The following GSG1L variants were observed in gnomAD, a reference collection of about 807,000 sequenced individuals.
GSG1L encodes GSG1 like.
In GSG1L, 24 loss-of-function variants were observed where a neutral mutation model predicts 42.1. That is an observed-to-expected ratio of 0.57 (90% CI 0.41 to 0.80). GSG1L has a LOEUF of 0.80. Among genes scored for constraint, GSG1L ranks in the 30% least tolerant of loss-of-function variants. The probability of loss-of-function intolerance (pLI) is 0.00; values close to 1 mark genes in which losing one functional copy is unlikely to be tolerated. For synonymous variants in GSG1L, 215 were observed against 203.5 expected (o/e 1.06, Z -0.48); for missense variants, 445 against 472.2 (o/e 0.94, Z 0.53).
intron 2 of GSG1L, among the ~76,000 whole-genome samples, chr16:27,924,591 T>A (rs1226736645): frequency 6.6e-6 from 1 of 152,176 alleles, no homozygotes; most frequent in African/African-American, 2.4e-5. Context: ...CATGGAGACC[T>A]GAATTGACTT....
chr16:27,807,015 C>A (rs1212849793), intron 6 of GSG1L, among the ~76,000 whole-genome samples: 1 of 152,212 alleles, frequency 6.6e-6, no homozygotes, highest in Non-Finnish European at 1.5e-5. Context: ...GCTTTCTGAT[C>A]CTGACATTTG....
intron 5 of GSG1L, among the ~76,000 whole-genome samples, chr16:27,821,355 G>C (rs2083148823): frequency 6.6e-6 from 1 of 151,980 alleles, no homozygotes; most frequent in Admixed American, 6.6e-5. Flanking sequence ...GCATGATGCT[G>C]AGGTTGGGCT....
At chr16:27,875,972 CCCACCCCCT>C (rs2083882356) in intron 3 of GSG1L, among the ~76,000 whole-genome samples, 2 of 152,148 alleles carry the variant, frequency 1.3e-5, no homozygotes. Context: ...GTGCCTGAAG[CCCACCCCCT>C]CCACTTTTCA....
chr16:28,047,388 A>G (rs1264720990), intron 1 of GSG1L, among the ~76,000 whole-genome samples: 1 of 152,180 alleles, frequency 6.6e-6, no homozygotes, highest in Non-Finnish European at 1.5e-5. Context: ...CCTAATCTAT[A>G]TAGTAAAAGA....
At chr16:27,944,156 T>C (rs985561240) in intron 2 of GSG1L, among the ~76,000 whole-genome samples, 2 of 152,172 alleles carry the variant, frequency 1.3e-5, no homozygotes, top group Non-Finnish European at 2.9e-5. Context: ...TTAGCTGTAA[T>C]AAAGTTTTTG....
At chr16:27,922,602 C>T (rs2084538246) in intron 2 of GSG1L, among the ~76,000 whole-genome samples, 1 of 152,182 alleles carries the variant, frequency 6.6e-6, no homozygotes, top group Non-Finnish European at 1.5e-5. Flanking sequence ...ATTCTTTCTC[C>T]CATGACCCAA....
intron 2 of GSG1L, among the ~76,000 whole-genome samples, chr16:27,897,680 C>A (rs1457315517): frequency 6.6e-6 from 1 of 152,194 alleles, no homozygotes; most frequent in Admixed American, 6.5e-5. Flanking sequence ...GCCCCTAGAT[C>A]GACCTTAGCA....
chr16:28,053,039 T>C (rs958541824), intron 1 of GSG1L, among the ~76,000 whole-genome samples: 1 of 152,080 alleles, frequency 6.6e-6, no homozygotes, highest in African/African-American at 2.4e-5. Context: ...GTGTGGCCAG[T>C]GGTGTCCAAG....
At chr16:27,918,376 G>A (rs1211961911) in intron 2 of GSG1L, among the ~76,000 whole-genome samples, 1 of 152,154 alleles carries the variant, frequency 6.6e-6, no homozygotes, top group Non-Finnish European at 1.5e-5. Context: ...ATGGTTTGAG[G>A]GCCTGGCGTG....
chr16:27,841,824 A>G (rs1220707795), intron 4 of GSG1L, among the ~76,000 whole-genome samples: 9 of 152,168 alleles, frequency 5.9e-5, no homozygotes, highest in Non-Finnish European at 1.0e-4. Flanking sequence ...CCTGGCTTCC[A>G]GGGAAAGAAT....
At chr16:27,978,519 C>G (rs79126889) in intron 1 of GSG1L, among the ~76,000 whole-genome samples, 29,614 of 151,738 alleles carry the variant, frequency 0.2, 3,327 homozygotes, top group Non-Finnish European at 0.26. Context: ...AGCAAAACCC[C>G]ATCTCCACTA....
At chr16:27,854,060 C>T (rs1010322362) in intron 3 of GSG1L, among the ~76,000 whole-genome samples, 1 of 151,912 alleles carries the variant, frequency 6.6e-6, no homozygotes, top group Non-Finnish European at 1.5e-5. Flanking sequence ...AGCCTACATC[C>T]AGGTGTTCCA....
At chr16:27,813,881 T>C (rs1829090955) in intron 5 of GSG1L, among the ~76,000 whole-genome samples, 1 of 152,202 alleles carries the variant, frequency 6.6e-6, no homozygotes, top group Non-Finnish European at 1.5e-5. Flanking sequence ...ACAGGCAGCA[T>C]GACCCTGTGC....
At chr16:27,797,803 CAGAGA>C (rs2082835307) in intron 6 of GSG1L, among the ~76,000 whole-genome samples, 1 of 113,556 alleles carries the variant, frequency 8.8e-6, no homozygotes, top group Non-Finnish European at 1.6e-5. Context: ...GCCTGGGTGA[CAGAGA>C]GAGACTCCAT....
chr16:27,978,567 T>C (rs2085276294), intron 1 of GSG1L, among the ~76,000 whole-genome samples: 1 of 151,946 alleles, frequency 6.6e-6, no homozygotes, highest in South Asian at 2.1e-4. Context: ...GGCACACACC[T>C]GTAATCCCAG....
At chr16:27,961,776 C>T (rs1241386996) in intron 2 of GSG1L, among the ~76,000 whole-genome samples, 1 of 152,160 alleles carries the variant, frequency 6.6e-6, no homozygotes, top group Non-Finnish European at 1.5e-5. Context: ...AGAACACAGC[C>T]ATGGGGACAT....
At chr16:27,796,857 T>C (rs2082823304) in intron 6 of GSG1L, among the ~76,000 whole-genome samples, 1 of 152,190 alleles carries the variant, frequency 6.6e-6, no homozygotes, top group African/African-American at 2.4e-5. Context: ...TATTTAGACA[T>C]GTGTTGGGCA....
chr16:28,021,193 T>G (rs1013384344), intron 1 of GSG1L, among the ~76,000 whole-genome samples: 47 of 152,106 alleles, frequency 3.1e-4, no homozygotes, highest in African/African-American at 1.1e-3. Context: ...TCTGCTTGGC[T>G]TCTGGGGAGG....
intron 1 of GSG1L, among the ~76,000 whole-genome samples, chr16:28,055,320 C>T (rs2086267671): frequency 6.6e-6 from 1 of 151,904 alleles, no homozygotes; most frequent in South Asian, 2.1e-4. Flanking sequence ...CCACACTTAT[C>T]TAATTTTTAA....
Sources: gnomAD v4.1 joint callset for allele counts (sites outside exome capture counted in the v4.1 genomes callset) on GRCh38, gnomAD v4.1.1 for gene constraint, MANE v1.5 for transcripts, NCBI Gene and HGNC (gene_info 2026-07-23, HGNC 2026-07-21) for gene names.